SERPINE2: variants seen among roughly 807,000 people sequenced by gnomAD.
The protein encoded by SERPINE2 is serpin family E member 2.
Under a neutral mutation model 36.3 loss-of-function variants are expected in SERPINE2, and 14 were observed. That is an observed-to-expected ratio of 0.39 (90% confidence interval 0.25 to 0.60). SERPINE2 has a LOEUF of 0.60. Among genes scored for constraint, SERPINE2 ranks in the 20% least tolerant of loss-of-function variants. The probability of loss-of-function intolerance (pLI) is 0.57; values close to 1 mark genes in which losing one functional copy is unlikely to be tolerated. For synonymous variants in SERPINE2, 192 were observed against 191.8 expected (o/e 1.00, Z -0.01); for missense variants, 418 against 499.6 (o/e 0.84, Z 1.56).
chr2:224,021,989 C>A (rs1398977216), intron 1 of SERPINE2, among the ~76,000 whole-genome samples: 2 of 151,964 alleles, frequency 1.3e-5, no homozygotes, highest in African/African-American at 4.8e-5. Flanking sequence ...GAAACCCTGT[C>A]TCTACTAAAA....
chr2:223,991,852 C>T lies in SERPINE2; in HGVS notation c.636G>A (p.Gly212=), dbSNP rs1325336294. Residue 212 remains glycine, a synonymous_variant, in exon 4 of 9, where the codon GGG becomes GGA. Coordinates refer to ENST00000409304, the MANE Select transcript of SERPINE2 (RefSeq NM_001136528.2). ...CCAGCATTGGCACTTGATAGGATTT[C>T]CCGTCGGCTGCCACGAAAGTGCGTT... ...TKKRTFVAAD[G]KSYQVPMLAQ... The T allele has an allele frequency of 6.2e-7, 1 of 1,613,350 alleles. No individual in the cohort carries two copies. Among genetic ancestry groups the T allele is most frequent in the African/African-American group, 1.3e-5 (1 of 74,856 alleles).
chr2:223,978,900 A>T (rs1415199651), intron 7 of SERPINE2: 6 of 152,146 alleles, frequency 3.9e-5, no homozygotes, highest in Middle Eastern at 3.2e-3. Context: ...GTAGGGTTCT[A>T]TTCTAATAGG....
intron 3 of SERPINE2, among the ~76,000 whole-genome samples, chr2:223,993,287 G>A (rs1210462314): frequency 6.6e-6 from 1 of 152,176 alleles, no homozygotes; most frequent in Non-Finnish European, 1.5e-5. Flanking sequence ...CTCATTTCAG[G>A]ATGCTTCCAA....
intron 1 of SERPINE2, among the ~76,000 whole-genome samples, chr2:224,025,503 C>A (rs1692153271): frequency 6.6e-6 from 1 of 152,244 alleles, no homozygotes; most frequent in African/African-American, 2.4e-5. Context: ...CTACCCCCTA[C>A]AAATTTTGGT....
chr2:223,984,751 C>A lies in SERPINE2; in HGVS notation c.884+1G>T. ...TTCTTTGAGGGGAAGGGGCCACTTA[C>A]TTGGGCAGGATCACCTGCACCCTCT... On this transcript the variant is annotated splice_donor_variant, in intron 5 of 8. Transcript: ENST00000409304. LOFTEE classifies it high-confidence loss of function. 5 of 1,611,784 alleles carry A rather than the reference C, an allele frequency of 3.1e-6. No homozygotes were observed. Among genetic ancestry groups the A allele is most frequent in the Non-Finnish European group, 4.2e-6 (5 of 1,179,550 alleles).
chr2:223,977,339 G>A (rs1039452107), intron 8 of SERPINE2, among the ~76,000 whole-genome samples: 1 of 152,196 alleles, frequency 6.6e-6, no homozygotes, highest in Non-Finnish European at 1.5e-5. Context: ...AATCCTGTCA[G>A]TGTGTAAAAG....
chr2:224,030,834 A>G (rs1314294271), intron 1 of SERPINE2: 1 of 381,732 alleles, frequency 2.6e-6, no homozygotes, highest in African/African-American at 2.2e-5. Context: ...AGCTTAAGTT[A>G]TTCGCTTGGA....
intron 1 of SERPINE2, among the ~76,000 whole-genome samples, chr2:224,022,386 T>C (rs1319927082): frequency 6.6e-6 from 1 of 151,642 alleles, no homozygotes; most frequent in South Asian, 2.1e-4. Context: ...ACACCAGATA[T>C]GTATTTATTG....
intron 1 of SERPINE2, chr2:224,031,439 G>C (rs937014679): frequency 2.0e-6 from 2 of 985,576 alleles, no homozygotes; most frequent in South Asian, 4.7e-5. Context: ...ACGCCAGGCA[G>C]CACGGTCCTC....
At chr2:223,979,516 T>C (rs1690143116) in intron 7 of SERPINE2, 1 of 152,256 alleles carries the variant, frequency 6.6e-6, no homozygotes, top group Non-Finnish European at 1.5e-5. Context: ...GCTGCAAGTG[T>C]AGCTAAGATT....
chr2:224,014,944 A>G (rs1691748260), intron 1 of SERPINE2, among the ~76,000 whole-genome samples: 1 of 151,870 alleles, frequency 6.6e-6, no homozygotes, highest in African/African-American at 2.4e-5. Context: ...CACCTGGGTG[A>G]CTCTGTCGCT....
intron 1 of SERPINE2, among the ~76,000 whole-genome samples, chr2:224,032,707 AC>A (rs11312232): frequency 0.14 from 20,586 of 152,254 alleles, 1,608 homozygotes; most frequent in East Asian, 0.28. Flanking sequence ...ATAATGTCTT[AC>A]GTCAAACTGT....
intron 7 of SERPINE2, chr2:223,979,328 AC>A (rs1690132803): frequency 6.6e-6 from 1 of 152,222 alleles, no homozygotes. Context: ...TTTAGATGTT[AC>A]TTAAAATTAC....
intron 1 of SERPINE2, among the ~76,000 whole-genome samples, chr2:224,002,864 C>T (rs1691240231): frequency 1.3e-5 from 2 of 151,938 alleles, no homozygotes; most frequent in African/African-American, 2.4e-5. Flanking sequence ...CACTGGGTGT[C>T]GGACCCTTTT....
chr2:223,981,737 T>A (rs564620393), intron 6 of SERPINE2: 1 of 152,334 alleles, frequency 6.6e-6, no homozygotes, highest in East Asian at 1.9e-4. Context: ...GACTGACCAT[T>A]CAAACATAAC....
chr2:224,028,646 T>C (rs904308987), intron 1 of SERPINE2, among the ~76,000 whole-genome samples: 5 of 152,212 alleles, frequency 3.3e-5, no homozygotes, highest in Non-Finnish European at 5.9e-5. Context: ...TTCTCACCTA[T>C]AAACCAGGAA....
intron 6 of SERPINE2, chr2:223,981,201 T>C (rs1446264303): frequency 6.6e-6 from 1 of 152,158 alleles, no homozygotes; most frequent in Non-Finnish European, 1.5e-5. Context: ...ATGACCAAAT[T>C]GTGACTGAGA....
intron 6 of SERPINE2, chr2:223,981,982 T>G (rs1337926043): frequency 6.6e-6 from 1 of 152,134 alleles, no homozygotes; most frequent in African/African-American, 2.4e-5. Context: ...GAGCCAATAT[T>G]CATAAAAGCA....
In SERPINE2 at chr2:224,001,870, C is replaced by G. The variant is rs770021482; in HGVS notation, c.31G>C (p.Ala11Pro). 1.2e-6 allele frequency: 2 copies of G among 1,613,876 alleles called. No homozygotes were observed. Among genetic ancestry groups the G allele is most frequent in the South Asian group, 2.2e-5 (2 of 91,072 alleles). Residue 11 changes from alanine (A) to proline (P), a missense_variant, in exon 2 of 9, where the codon GCC becomes CCC. Ala to Pro is a conservative substitution (Grantham distance 27). Transcript: ENST00000409304. MNWHLPLFLL[A>P]SVTLPSICSH... is the part of the protein sequence containing the mutation. ...CAGATGGAAGGCAGCGTCACAGAGG[C>G]CAAGAGGAAGAGGGGGAGATGCCAG...
Sources: gnomAD v4.1 joint callset for allele counts (sites outside exome capture counted in the v4.1 genomes callset) on GRCh38, gnomAD v4.1.1 for gene constraint, MANE v1.5 for transcripts, NCBI Gene and HGNC (gene_info 2026-07-23, HGNC 2026-07-21) for gene names.